The following KCNQ4 variants were observed in gnomAD, a reference collection of about 807,000 sequenced individuals.
The protein encoded by KCNQ4 is potassium voltage-gated channel subfamily Q member 4, also known as potassium voltage-gated channel subfamily KQT member 4.
A neutral mutation model predicts 72.6 loss-of-function variants in KCNQ4; 31 were observed. The ratio of observed to expected loss-of-function variants is 0.43; its 90% confidence interval spans 0.32 to 0.58. The LOEUF is 0.58. KCNQ4 is among the 20% of genes least tolerant of loss of function. The pLI is 0.08. For missense variants in KCNQ4, 869 were observed against 962.6 expected (o/e 0.90, Z 1.29); for synonymous variants, 405 against 403.7 (o/e 1.00, Z -0.04).
Position 40,784,487 on chromosome 1 carries a change from C to A in KCNQ4, c.314+80C>A, listed in dbSNP as rs1215495502. 1.1e-5 allele frequency: 15 copies of A among 1,368,600 alleles called. No homozygotes were observed. The Admixed American group carries it at 2.6e-4, about 23-fold the overall frequency. The allele number at this position is 1,368,600 out of a possible 1,614,324, so 84.8% of individuals were successfully genotyped here. A position where few individuals can be genotyped will look rare whatever the true frequency, so the allele number is the denominator to read the frequency against. On this transcript the variant is annotated intron_variant, in intron 1 of 13. Transcript: ENST00000347132. The surrounding 1 kb of genome is among the most constrained non-coding windows in gnomAD (Gnocchi z 4.1). Reference sequence around the variant, plus strand: ...GGGGCACGGCCGCCCCGCCCTGGCTCCGCCTTCTACCCCCCTGCCTCAGGG... The same window carrying A: ...GGGGCACGGCCGCCCCGCCCTGGCTACGCCTTCTACCCCCCTGCCTCAGGG...
intron 9 of KCNQ4, among the ~76,000 whole-genome samples, chr1:40,825,086 A>G (rs1241420965): frequency 6.6e-6 from 1 of 152,236 alleles, no homozygotes; most frequent in African/African-American, 2.4e-5. Context: ...AGCATGGGAA[A>G]GTGGCTGCTC....
intron 4 of KCNQ4, 78 bp from the exon 5 acceptor site, chr1:40,819,269 C>T: frequency 6.4e-7 from 1 of 1,563,894 alleles, no homozygotes; most frequent in South Asian, 1.1e-5. Context: ...GACCTTTATC[C>T]CTTTCCCGTG....
intron 9 of KCNQ4, among the ~76,000 whole-genome samples, chr1:40,825,442 T>G (rs778917025): frequency 1.3e-5 from 2 of 152,046 alleles, no homozygotes; most frequent in Non-Finnish European, 2.9e-5. Flanking sequence ...ACTCTAGAGT[T>G]TCTGGGCTGA....
intron 7 of KCNQ4, among the ~76,000 whole-genome samples, chr1:40,820,504 G>T (rs937837273): frequency 2.6e-5 from 4 of 152,210 alleles, no homozygotes; most frequent in African/African-American, 9.6e-5. Flanking sequence ...CTGCCCTATT[G>T]CCCAACTCCA....
rs1648108434 is a variant in KCNQ4 at position 40,817,143 on chromosome 1, T to A, written c.315-122T>A. On this transcript the variant is annotated intron_variant, in intron 1 of 13. Transcript: ENST00000347132. The surrounding 1 kb of genome is among the most constrained non-coding windows in gnomAD (Gnocchi z 5.5). ...TAACTCCAGGGAATTCCAATTCTGA[T>A]TTCCACATAATTTTCTGAAAATAAT... is the stretch of plus-strand genomic sequence containing the variant. 1.3e-6 allele frequency: 1 copy of A among 799,108 alleles called. No individual in the cohort carries two copies. The highest frequency in any genetic ancestry group is 1.7e-5 in the African/African-American group (1 of 58,896). The allele number at this position is 799,108 out of a possible 1,614,324, so 49.5% of individuals were successfully genotyped here. A position where few individuals can be genotyped will look rare whatever the true frequency, so the allele number is the denominator to read the frequency against.
At chr1:40,816,975 A>G (rs745584654) in intron 1 of KCNQ4, among the ~76,000 whole-genome samples, 15 of 152,288 alleles carry the variant, frequency 9.8e-5, no homozygotes, top group Admixed American at 2.0e-4. Context: ...GAGTCAGTCT[A>G]TTTCCACTGC....
chr1:40,810,218 G>A (rs540570742), intron 1 of KCNQ4, among the ~76,000 whole-genome samples: 2 of 152,222 alleles, frequency 1.3e-5, no homozygotes, highest in Admixed American at 6.5e-5. Flanking sequence ...GGCCGTTCTG[G>A]GCTGCCTCGA....
intron 9 of KCNQ4, among the ~76,000 whole-genome samples, chr1:40,829,616 C>T (rs763870439): frequency 6.6e-6 from 1 of 152,116 alleles, no homozygotes; most frequent in Non-Finnish European, 1.5e-5. Flanking sequence ...CACCCAATAC[C>T]GAAACCAGAA....
At chr1:40,821,423 A>G (rs1648288275) in intron 7 of KCNQ4, among the ~76,000 whole-genome samples, 1 of 152,174 alleles carries the variant, frequency 6.6e-6, no homozygotes, top group Admixed American at 6.5e-5. Context: ...AGCAGCCTCC[A>G]TGCCTCCCTG....
chr1:40,813,488 T>C (rs1250588768), intron 1 of KCNQ4, among the ~76,000 whole-genome samples: 1 of 152,022 alleles, frequency 6.6e-6, no homozygotes, highest in East Asian at 1.9e-4. Context: ...GCCTGAGCCC[T>C]GGGGGAGCCG....
At chr1:40,837,071 C>T (rs1349264549) in intron 12 of KCNQ4, among the ~76,000 whole-genome samples, 1 of 119,924 alleles carries the variant, frequency 8.3e-6, no homozygotes, top group South Asian at 3.0e-4. Flanking sequence ...CCCAATCCAT[C>T]TTTTCTTTTC....
chr1:40,793,133 G>A (rs1177466511), intron 1 of KCNQ4, among the ~76,000 whole-genome samples: 1 of 150,138 alleles, frequency 6.7e-6, no homozygotes, highest in East Asian at 2.0e-4. Context: ...CTCCTAAGGA[G>A]CTGGGACTAC....
chr1:40,790,116 C>T (rs72659602), intron 1 of KCNQ4, among the ~76,000 whole-genome samples: 2 of 152,300 alleles, frequency 1.3e-5, no homozygotes, highest in South Asian at 2.1e-4. Flanking sequence ...GTGAAGAGCA[C>T]GGGCTCTGAG....
chr1:40,819,275 C>G, intron 4 of KCNQ4, 72 bp from the exon 5 acceptor site: 1 of 1,582,402 alleles, frequency 6.3e-7, no homozygotes, highest in Non-Finnish European at 8.7e-7. Context: ...TATCCCTTTC[C>G]CGTGTGGAAG....
intron 9 of KCNQ4, among the ~76,000 whole-genome samples, 197 bp from the exon 10 acceptor site, chr1:40,830,887 C>T (rs988601663): frequency 7.9e-5 from 12 of 152,124 alleles, no homozygotes; most frequent in Non-Finnish European, 1.5e-4. Flanking sequence ...GGATCTGCTT[C>T]GACTGACCCC....
In KCNQ4 at chr1:40,840,269, C is replaced by G. The variant is rs1048894210; in HGVS notation, c.*1746C>G. On this transcript the variant is annotated 3_prime_UTR_variant, in exon 14 of 14. Coordinates refer to ENST00000347132, the MANE Select transcript of KCNQ4 (RefSeq NM_004700.4). ...TGTCCCCAGAGAGCCACCCCTCCAC[C>G]CACTCAGAGACAGCTGTGGAGAGGG... 1 of 152,334 alleles carries G rather than the reference C, an allele frequency of 6.6e-6. No individual in the cohort carries two copies. The highest frequency in any genetic ancestry group is 1.5e-5 in the Non-Finnish European group (1 of 68,136). The allele number at this position is 152,334 out of a possible 1,614,324, so 9.4% of individuals were successfully genotyped here. A position where few individuals can be genotyped will look rare whatever the true frequency, so the allele number is the denominator to read the frequency against.
Position 40,799,565 on chromosome 1 carries a change from G to C in KCNQ4, c.314+15158G>C, listed in dbSNP as rs1390690118. 2.0e-5 allele frequency among the ~76,000 whole-genome samples: 3 copies of C among 152,174 alleles called. No individual in the cohort carries two copies. The East Asian group carries it at 5.8e-4, about 29-fold the overall frequency. ...GGTCTGGCCTCTCCACTCCTGAGCT[G>C]GGCTACCTGAGTTGAGGGTCCAGCC... On this transcript the variant is annotated intron_variant, in intron 1 of 13. Coordinates refer to ENST00000347132, the MANE Select transcript of KCNQ4 (RefSeq NM_004700.4).
chr1:40,804,414 A>C (rs1289337397), intron 1 of KCNQ4, among the ~76,000 whole-genome samples: 2 of 152,212 alleles, frequency 1.3e-5, no homozygotes, highest in Admixed American at 6.5e-5. Flanking sequence ...TCTGGGACTC[A>C]GTTTCCCCAT....
In KCNQ4 at chr1:40,817,809, C is replaced by T. The variant is rs992396478; in HGVS notation, c.406-355C>T. Among the ~76,000 whole-genome samples, 1 of 152,190 alleles carries T rather than the reference C, an allele frequency of 6.6e-6. No individual in the cohort carries two copies. The highest frequency in any genetic ancestry group is 1.5e-5 in the Non-Finnish European group (1 of 68,028). The stretch of plus-strand genomic sequence containing the variant: ...GGTCAGTTTTTGCCTAAACACAAAA[C>T]ACCAAATGGAAGCCCCTCAGAGGGA... On this transcript the variant is annotated intron_variant, in intron 2 of 13. Transcript: ENST00000347132. The surrounding 1 kb of genome is among the most constrained non-coding windows in gnomAD (Gnocchi z 5.5).
Sources: allele counts gnomAD v4.1 joint callset (sites outside exome capture counted in the v4.1 genomes callset), GRCh38; gene constraint gnomAD v4.1.1; non-coding constraint Gnocchi (gnomAD v3.1); transcripts MANE v1.5; gene names NCBI Gene and HGNC (gene_info 2026-07-23, HGNC 2026-07-21).